The following APBB2 variants were observed in gnomAD, a reference collection of about 807,000 sequenced individuals.
APBB2 encodes amyloid beta precursor protein binding family B member 2.
APBB2 carries 38 observed loss-of-function variants against 82.5 expected under a neutral mutation model. The observed-to-expected ratio is 0.46, with a 90% CI of 0.36 to 0.60. The LOEUF (loss-of-function observed/expected upper bound fraction) is 0.60, where lower values mean the gene tolerates loss of function less well. Among genes scored for constraint, APBB2 ranks in the 20% least tolerant of loss-of-function variants. The pLI is 0.00. For missense variants in APBB2, 772 were observed against 972.3 expected, an observed-to-expected ratio of 0.79 and a Z score of 2.74; for synonymous variants, 341 against 368.2, an observed-to-expected ratio of 0.93 and a Z score of 0.85.
chr4:40,893,502 C>A (rs1235794605), intron 10 of APBB2, 91 bp from the exon 11 acceptor site: 9 of 1,269,432 alleles, frequency 7.1e-6, no homozygotes, highest in Non-Finnish European at 9.6e-6. Flanking sequence ...CTAAAAGGTA[C>A]TACACTTAAT....
chr4:40,834,200 C>T (rs1413350138), intron 12 of APBB2, among the ~76,000 whole-genome samples: 22 of 152,186 alleles, frequency 1.4e-4, no homozygotes, highest in African/African-American at 2.6e-4. Context: ...CAGTCCATGA[C>T]GGTGGGTGAG....
At chr4:41,066,540 T>C (rs1731886788) in intron 3 of APBB2, among the ~76,000 whole-genome samples, 1 of 152,090 alleles carries the variant, frequency 6.6e-6, no homozygotes, top group Non-Finnish European at 1.5e-5. Flanking sequence ...ATCATTGAGA[T>C]TCATATCAAG....
At chr4:41,093,517 C>T (rs1742489405) in intron 3 of APBB2, among the ~76,000 whole-genome samples, 1 of 152,080 alleles carries the variant, frequency 6.6e-6, no homozygotes, top group Non-Finnish European at 1.5e-5. Context: ...GTTTTCTTAC[C>T]CATCCTCATT....
chr4:41,095,333 C>T (rs989044282), intron 3 of APBB2, among the ~76,000 whole-genome samples: 4 of 152,230 alleles, frequency 2.6e-5, no homozygotes, highest in Non-Finnish European at 5.9e-5. Flanking sequence ...CTAGCAGCAG[C>T]CTGCAGTCCC....
chr4:41,000,024 A>C (rs1393183830), intron 6 of APBB2, among the ~76,000 whole-genome samples: 1 of 150,490 alleles, frequency 6.6e-6, no homozygotes, highest in Non-Finnish European at 1.5e-5. Flanking sequence ...ACAAAAAAAA[A>C]ACAAACGTGT....
At chr4:41,169,324 A>G (rs1428550071) in intron 1 of APBB2, among the ~76,000 whole-genome samples, 1 of 152,154 alleles carries the variant, frequency 6.6e-6, no homozygotes, top group African/African-American at 2.4e-5. Flanking sequence ...AATTCCAAAC[A>G]TTACCTAAAA....
At chr4:41,139,639 C>G (rs1054723156) in intron 2 of APBB2, among the ~76,000 whole-genome samples, 1 of 152,046 alleles carries the variant, frequency 6.6e-6, no homozygotes, top group African/African-American at 2.4e-5. Flanking sequence ...AACTTAAACG[C>G]ACATTGGTAA....
chr4:41,140,664 A>G (rs904924857), intron 2 of APBB2, among the ~76,000 whole-genome samples: 2 of 152,186 alleles, frequency 1.3e-5, no homozygotes, highest in Non-Finnish European at 2.9e-5. Context: ...TGGGCTAATG[A>G]GCACAGCTTC....
chr4:40,870,050 G>A (rs149995537), intron 12 of APBB2, among the ~76,000 whole-genome samples: 4 of 152,084 alleles, frequency 2.6e-5, no homozygotes, highest in East Asian at 1.9e-4. Flanking sequence ...ACCAAATCAC[G>A]TTATACATCA....
At chr4:40,941,474 A>G (rs1578608544) in intron 7 of APBB2, among the ~76,000 whole-genome samples, 2 of 152,146 alleles carry the variant, frequency 1.3e-5, no homozygotes, top group Non-Finnish European at 2.9e-5. Flanking sequence ...CGGGGTGGAA[A>G]TAGGGGCCAG....
intron 10 of APBB2, among the ~76,000 whole-genome samples, chr4:40,916,808 G>C (rs73242102): frequency 1.3e-3 from 197 of 152,328 alleles, no homozygotes; most frequent in Non-Finnish European, 1.9e-3. Flanking sequence ...TCCAAGAGAA[G>C]CAACCGCAGG....
At chr4:41,130,247 T>C (rs1036454307) in intron 2 of APBB2, among the ~76,000 whole-genome samples, 1 of 152,154 alleles carries the variant, frequency 6.6e-6, no homozygotes, top group African/African-American at 2.4e-5. Flanking sequence ...CACAGTTATC[T>C]AGGAATGAGG....
At chr4:41,042,777 C>T (rs1722018977) in intron 4 of APBB2, among the ~76,000 whole-genome samples, 1 of 152,078 alleles carries the variant, frequency 6.6e-6, no homozygotes, top group African/African-American at 2.4e-5. Context: ...ACTGTAGCCA[C>T]ATGAGTGAGC....
chr4:40,893,158 T>G, intron 11 of APBB2, 107 bp downstream of exon 11: 1 of 1,372,410 alleles, frequency 7.3e-7, no homozygotes, highest in Non-Finnish European at 9.9e-7. Flanking sequence ...AGGCACCTGA[T>G]GAACACCTCG....
At chr4:41,036,888 G>A (rs1419575181) in intron 4 of APBB2, among the ~76,000 whole-genome samples, 3 of 152,112 alleles carry the variant, frequency 2.0e-5, no homozygotes, top group Non-Finnish European at 4.4e-5. Flanking sequence ...TTAGGGGCAT[G>A]GACTAATTCT....
At chr4:41,068,258 A>G (rs1397199665) in intron 3 of APBB2, among the ~76,000 whole-genome samples, 1 of 152,204 alleles carries the variant, frequency 6.6e-6, no homozygotes, top group Non-Finnish European at 1.5e-5. Flanking sequence ...ACCCAATAAT[A>G]AAATAGAGCA....
At chr4:40,988,654 AAG>A (rs1801096443) in intron 6 of APBB2, among the ~76,000 whole-genome samples, 1 of 68,276 alleles carries the variant, frequency 1.5e-5, no homozygotes, top group Admixed American at 2.1e-4. Flanking sequence ...AAAAAAAAAA[AAG>A]ACTGTCTCAA....
At chr4:41,043,483 C>T (rs1722276407) in intron 4 of APBB2, among the ~76,000 whole-genome samples, 1 of 152,150 alleles carries the variant, frequency 6.6e-6, no homozygotes, top group South Asian at 2.1e-4. Flanking sequence ...GGGAGAAAGG[C>T]AGTATGTATA....
At chr4:40,841,992 T>C (rs1755970232) in intron 12 of APBB2, among the ~76,000 whole-genome samples, 1 of 152,212 alleles carries the variant, frequency 6.6e-6, no homozygotes, top group Non-Finnish European at 1.5e-5. Flanking sequence ...GATATTAATT[T>C]TTCCAGAAGC....
Sources: gnomAD v4.1 joint callset for allele counts (sites outside exome capture counted in the v4.1 genomes callset) on GRCh38, gnomAD v4.1.1 for gene constraint, MANE v1.5 for transcripts, NCBI Gene and HGNC (gene_info 2026-07-23, HGNC 2026-07-21) for gene names.